Variants in CUBN observed in about 807,000 individuals in gnomAD.
CUBN encodes the protein 460 kDa receptor.
In CUBN, 282 loss-of-function variants were observed where a neutral mutation model predicts 405.3. The ratio of observed to expected loss-of-function variants is 0.70; its 90% CI spans 0.63 to 0.77. CUBN has a LOEUF of 0.77. Among genes scored for constraint, CUBN ranks in the 30% least tolerant of loss-of-function variants. The pLI is 0.00. For synonymous variants in CUBN, 1,684 were observed against 1,617.0 expected (o/e 1.04, Z -0.99); for missense variants, 4,514 against 4,475.2 (o/e 1.01, Z -0.25).
Position 17,043,979 on chromosome 10 carries a change from T to C in CUBN, c.3677A>G (p.Tyr1226Cys). Residue 1226 changes from tyrosine (Y) to cysteine (C), a missense_variant, in exon 26 of 67, where the codon TAT (tyrosine) becomes TGT (cysteine). This residue lies in a region of CUBN where 242 missense variants were observed against 309.0 expected (regional missense o/e 0.78). Coordinates refer to ENST00000377833, the MANE Select transcript of CUBN (RefSeq NM_001081.4). ...PNCTLDYLAV[Y>C]DGPSSNSHLL... ...ATGAGAGTTGCTACTTGGGCCATCA[T>C]ATACCTTTAAGAAAATATTTTGAAT... 6.2e-7 allele frequency: 1 copy of C among 1,612,592 alleles called. No homozygotes were observed. The highest frequency in any genetic ancestry group is 8.5e-7 in the Non-Finnish European group (1 of 1,179,086).
intron 8 of CUBN, 21 bp from the exon 9 acceptor site, chr10:17,111,071 A>G: frequency 6.2e-7 from 1 of 1,613,982 alleles, no homozygotes; most frequent in Non-Finnish European, 8.5e-7. Context: ...AAGAGGATTT[A>G]AAAGTTTAGC....
chr10:16,898,132 A>C (rs982043014), intron 54 of CUBN, among the ~76,000 whole-genome samples: 4 of 151,398 alleles, frequency 2.6e-5, no homozygotes, highest in Non-Finnish European at 4.4e-5. Context: ...AGCATGGGTC[A>C]ATGAGATATA....
intron 56 of CUBN, among the ~76,000 whole-genome samples, chr10:16,887,151 AAGAC>A (rs1406322163): frequency 1.6e-4 from 25 of 152,252 alleles, no homozygotes; most frequent in Non-Finnish European, 2.9e-5. Context: ...TTGACTCAAT[AAGAC>A]AGTTTCTCTC....
At position 16,913,813 on chromosome 10, in the gene CUBN, T is replaced by C; in HGVS notation, c.7531A>G (p.Ile2511Val). The C allele has an allele frequency of 6.2e-7, 1 of 1,613,366 alleles. No homozygotes were observed. Among genetic ancestry groups the C allele is most frequent in the Non-Finnish European group, 8.5e-7 (1 of 1,180,006 alleles). ...CTCAGGCGGCAGGGAACACTTACTA[T>C]CACATGCTCATTGTTGCAGGACGGA... The part of the protein sequence containing the change: ...THPSCNNEHV[I>V]VFNGIRSNSP... Residue 2511 changes from isoleucine (I) to valine (V), a missense_variant and splice_region_variant, in exon 48 of 67, where the codon ATA becomes GTA. By Grantham distance (29) the Ile-to-Val change is conservative (BLOSUM62 3). Transcript: ENST00000377833.
intron 31 of CUBN, among the ~76,000 whole-genome samples, chr10:16,961,272 G>T (rs989377243): frequency 1.3e-5 from 2 of 151,996 alleles, no homozygotes; most frequent in Admixed American, 1.3e-4. Context: ...GGATTTTGCT[G>T]TATTGCCTAG....
At chr10:17,026,631 C>CAAA (rs35071026) in intron 27 of CUBN, among the ~76,000 whole-genome samples, 1 of 134,200 alleles carries the variant, frequency 7.5e-6, no homozygotes, top group Non-Finnish European at 1.6e-5. Flanking sequence ...AAGATTCTCT[C>CAAA]AAAAAAAAAA....
intron 59 of CUBN, among the ~76,000 whole-genome samples, chr10:16,861,516 G>T (rs1370590286): frequency 6.6e-6 from 1 of 151,970 alleles, no homozygotes; most frequent in Non-Finnish European, 1.5e-5. Context: ...AAAAATTCTC[G>T]CATGTGAAAT....
chr10:16,833,358 T>A (rs1043746217), intron 64 of CUBN, among the ~76,000 whole-genome samples: 1 of 152,236 alleles, frequency 6.6e-6, no homozygotes, highest in Admixed American at 6.5e-5. Context: ...TATACATCTT[T>A]CGGTCTCCTG....
At chr10:16,906,551 A>C in intron 49 of CUBN, 142 bp from the exon 50 acceptor site, 1 of 675,182 alleles carries the variant, frequency 1.5e-6, no homozygotes, top group Admixed American at 2.6e-5. Flanking sequence ...CTTATGGGTA[A>C]AAGGCATGCA....
chr10:17,029,460 G>C (rs116377742), intron 27 of CUBN, among the ~76,000 whole-genome samples: 1 of 152,164 alleles, frequency 6.6e-6, no homozygotes, highest in Non-Finnish European at 1.5e-5. Flanking sequence ...ATCTGGCTTC[G>C]CTAACTAATG....
intron 56 of CUBN, among the ~76,000 whole-genome samples, chr10:16,880,507 G>C (rs1358973829): frequency 1.3e-5 from 2 of 152,236 alleles, no homozygotes; most frequent in South Asian, 2.1e-4. Context: ...GCGGGGAAGA[G>C]AGAGCATGCT....
chr10:17,129,697 G>T lies in CUBN; in HGVS notation c.69C>A (p.Gly23=). The T allele has an allele frequency of 6.2e-7, 1 of 1,613,948 alleles. No individual in the cohort carries two copies. The highest frequency in any genetic ancestry group is 8.5e-7 in the Non-Finnish European group (1 of 1,179,914). Reference sequence around the variant, plus strand: ...TCTGCAGCTCAAGTTCTCCAGCTTCGCCATTTACTTCAGCAAATATTAATA... The same window carrying T: ...TCTGCAGCTCAAGTTCTCCAGCTTCTCCATTTACTTCAGCAAATATTAATA... ...LTLLIFAEVN[G]EAGELELQRQ... Residue 23 remains glycine (G), a synonymous_variant, in exon 1 of 67, where the codon GGC becomes GGA. Coordinates refer to ENST00000377833, the MANE Select transcript of CUBN (RefSeq NM_001081.4).
chr10:16,982,682 G>C, intron 30 of CUBN, 29 bp from the exon 31 acceptor site: 1 of 1,596,360 alleles, frequency 6.3e-7, no homozygotes, highest in Non-Finnish European at 8.6e-7. Context: ...ATTATTTCAT[G>C]AGAGGAATCA....
chr10:17,005,690 AT>A (rs1409216640), intron 28 of CUBN, among the ~76,000 whole-genome samples: 1 of 152,138 alleles, frequency 6.6e-6, no homozygotes, highest in Non-Finnish European at 1.5e-5. Flanking sequence ...GTCCTGGATT[AT>A]GTATATATTT....
In CUBN at chr10:17,115,076, T is replaced by A. The variant is rs577467850; in HGVS notation, c.720+395A>T. On this transcript the variant is annotated intron_variant, in intron 7 of 66. Transcript: ENST00000377833. ...CTGGCCAACATGGCAAAACCCCGTC[T>A]CTACTAAAAATACCAAAATTAGCCA... Among the ~76,000 whole-genome samples, 3 of 152,054 alleles carry A rather than the reference T, an allele frequency of 2.0e-5. No individual in the cohort carries two copies. In the South Asian group the frequency reaches 6.2e-4, roughly 32 times the overall value.
intron 56 of CUBN, among the ~76,000 whole-genome samples, chr10:16,884,114 G>A (rs1840742036): frequency 1.3e-5 from 2 of 152,118 alleles, no homozygotes; most frequent in Non-Finnish European, 2.9e-5. Context: ...CGAGTAGCTG[G>A]GACTACAGGG....
At chr10:16,828,735 AG>A in intron 66 of CUBN, 69 bp downstream of exon 66, 3 of 1,227,780 alleles carry the variant, frequency 2.4e-6, no homozygotes, top group Admixed American at 1.8e-5. Flanking sequence ...AAAAAAAAAA[AG>A]TCTACACTAA....
chr10:16,833,537 T>C (rs969299771), intron 64 of CUBN, among the ~76,000 whole-genome samples: 1 of 152,166 alleles, frequency 6.6e-6, no homozygotes, highest in Non-Finnish European at 1.5e-5. Flanking sequence ...TAAACCCATA[T>C]GCAAAGACCA....
chr10:16,970,383 T>A (rs1426934776), intron 31 of CUBN, among the ~76,000 whole-genome samples: 2 of 152,296 alleles, frequency 1.3e-5, no homozygotes, highest in East Asian at 3.9e-4. Flanking sequence ...AAAACCAGCC[T>A]GGCCAACATG....
Sources: allele counts gnomAD v4.1 joint callset (sites outside exome capture counted in the v4.1 genomes callset), GRCh38; gene constraint gnomAD v4.1.1; regional missense constraint gnomAD v4.1.1; transcripts MANE v1.5; gene names NCBI Gene and HGNC (gene_info 2026-07-23, HGNC 2026-07-21).